RASA1: variants seen among roughly 807,000 people sequenced by gnomAD.
The protein encoded by RASA1 is ras GTPase-activating protein 1.
Under a neutral mutation model 132.2 loss-of-function variants are expected in RASA1, and 25 were observed. The ratio of observed to expected loss-of-function variants is 0.19; its 90% CI spans 0.14 to 0.26. The LOEUF (loss-of-function observed/expected upper bound fraction) is 0.26, where lower values mean the gene tolerates loss of function less well. Ranked by LOEUF, RASA1 falls within the 10% of genes least tolerant of loss-of-function variation. The pLI, the probability that RASA1 is intolerant of heterozygous loss-of-function variation, is 1.00. For missense variants in RASA1, 964 were observed against 1,299.2 expected, an observed-to-expected ratio of 0.74 and a Z score of 3.97; for synonymous variants, 477 against 449.9, an observed-to-expected ratio of 1.06 and a Z score of -0.76.
At chr5:87,380,938 G>A (rs1761669146) in intron 20 of RASA1, among the ~76,000 whole-genome samples, 2 of 152,160 alleles carry the variant, frequency 1.3e-5, no homozygotes, top group Admixed American at 6.5e-5. Context: ...AGAGAGAAGG[G>A]CAGTAATTGA....
chr5:87,366,822 A>T (rs990495480), intron 11 of RASA1, among the ~76,000 whole-genome samples: 2 of 152,142 alleles, frequency 1.3e-5, no homozygotes, highest in Non-Finnish European at 2.9e-5. Context: ...GCTTAAGCTC[A>T]GGGGTTGGAG....
In RASA1 at chr5:87,379,725, CTTCT is replaced by C. The variant is rs1761576899; in HGVS notation, c.2488-7_2488-4del. On this transcript the variant is annotated splice_polypyrimidine_tract_variant and splice_region_variant and intron_variant, in intron 18 of 24. Coordinates refer to ENST00000274376, the MANE Select transcript of RASA1 (RefSeq NM_002890.3). Reference sequence around the variant, plus strand: ...AACATGCATTTATATTGATTTATTCCTTCTTTTAGTTAAGTCCATCAAAGTTAGA... The same window carrying C: ...AACATGCATTTATATTGATTTATTCCTTTAGTTAAGTCCATCAAAGTTAGA... The C allele has an allele frequency of 1.9e-6, 3 of 1,610,750 alleles. No homozygotes were observed. The highest frequency in any genetic ancestry group is 1.7e-5 in the Admixed American group (1 of 59,830).
chr5:87,294,997 GTTTT>G (rs777260647), intron 1 of RASA1, among the ~76,000 whole-genome samples: 1 of 151,280 alleles, frequency 6.6e-6, no homozygotes, highest in African/African-American at 2.4e-5. Context: ...TGAAGTTCTG[GTTTT>G]TTTTTATTTT....
At chr5:87,308,720 A>G (rs1755735889) in intron 1 of RASA1, among the ~76,000 whole-genome samples, 1 of 152,206 alleles carries the variant, frequency 6.6e-6, no homozygotes, top group African/African-American at 2.4e-5. Context: ...CTATAGGATT[A>G]TAATGCCATA....
At chr5:87,278,909 CTTTTTTTTTTTT>C (rs58122450) in intron 1 of RASA1, among the ~76,000 whole-genome samples, 2 of 83,998 alleles carry the variant, frequency 2.4e-5, no homozygotes, top group African/African-American at 4.5e-5. Flanking sequence ...CTAATTTGTT[CTTTTTTTTTTTT>C]TTTTTTTTTT....
intron 1 of RASA1, among the ~76,000 whole-genome samples, chr5:87,291,366 C>T (rs148423243): frequency 7.3e-4 from 111 of 152,096 alleles, no homozygotes; most frequent in Middle Eastern, 3.4e-3. Context: ...GACTCTGTCT[C>T]TACAAAAAGA....
chr5:87,387,781 T>TATTTATAGTGAA (rs1034598195), intron 23 of RASA1, among the ~76,000 whole-genome samples: 1 of 152,324 alleles, frequency 6.6e-6, no homozygotes, highest in East Asian at 1.9e-4. Context: ...CATAGCTCCA[T>TATTTATAGTGAA]ATTTATAGTG....
chr5:87,357,692 G>A (rs920372940), intron 9 of RASA1, among the ~76,000 whole-genome samples: 3 of 149,058 alleles, frequency 2.0e-5, no homozygotes, highest in African/African-American at 5.0e-5. Context: ...GAGACAGAAC[G>A]AGATTCCATC....
chr5:87,269,654 T>C (rs1234386261), intron 1 of RASA1, among the ~76,000 whole-genome samples: 2 of 152,228 alleles, frequency 1.3e-5, no homozygotes, highest in East Asian at 1.9e-4. Context: ...GCTTTTATAG[T>C]GGAGACTTTG....
At chr5:87,363,708 A>G (rs1008151159) in intron 11 of RASA1, among the ~76,000 whole-genome samples, 1 of 152,040 alleles carries the variant, frequency 6.6e-6, no homozygotes, top group Non-Finnish European at 1.5e-5. Flanking sequence ...AATCTTTGGC[A>G]TGACATTTCC....
At chr5:87,385,953 C>T (rs763852191) in intron 22 of RASA1, among the ~76,000 whole-genome samples, 22 of 151,954 alleles carry the variant, frequency 1.4e-4, no homozygotes, top group Admixed American at 6.6e-5. Context: ...CATACATTTC[C>T]TTTCATACTT....
chr5:87,301,642 T>A (rs1305913462), intron 1 of RASA1, among the ~76,000 whole-genome samples: 1 of 152,192 alleles, frequency 6.6e-6, no homozygotes, highest in Non-Finnish European at 1.5e-5. Context: ...GTTTCAGATT[T>A]CGTATTTTTG....
intron 13 of RASA1, among the ~76,000 whole-genome samples, chr5:87,373,918 G>A (rs1261106212): frequency 6.6e-6 from 1 of 151,686 alleles, no homozygotes; most frequent in African/African-American, 2.4e-5. Context: ...GAATATACTG[G>A]GAGAAATAAC....
intron 9 of RASA1, among the ~76,000 whole-genome samples, chr5:87,362,133 G>A (rs1760150952): frequency 6.6e-6 from 1 of 152,156 alleles, no homozygotes; most frequent in Non-Finnish European, 1.5e-5. Context: ...TATTCACCTA[G>A]CATTTCTCAC....
chr5:87,296,678 G>T (rs1461345510), intron 1 of RASA1, among the ~76,000 whole-genome samples: 5 of 152,062 alleles, frequency 3.3e-5, no homozygotes, highest in African/African-American at 9.7e-5. Flanking sequence ...CTGGTCTTCT[G>T]TAGGCAAGGT....
At chr5:87,285,001 C>CTT (rs943445349) in intron 1 of RASA1, among the ~76,000 whole-genome samples, 9 of 151,804 alleles carry the variant, frequency 5.9e-5, no homozygotes, top group African/African-American at 2.2e-4. Context: ...AGAAATCATA[C>CTT]AACTTTTAAA....
chr5:87,387,541 A>T (rs528675162), intron 23 of RASA1, among the ~76,000 whole-genome samples: 1 of 152,208 alleles, frequency 6.6e-6, no homozygotes, highest in Non-Finnish European at 1.5e-5. Flanking sequence ...TTAGTAATTC[A>T]GTTCATATAC....
At position 87,376,726 on chromosome 5, in the gene RASA1, A is replaced by G. The variant is rs6888938; in HGVS notation, c.2185-155A>G. ...TTATACTGTAATTTTGGTAGAAATA[A>G]GTAGACTACGAATTCATTCTATTTT... On this transcript the variant is annotated intron_variant, in intron 16 of 24. Transcript: ENST00000274376. 32,430 of 1,215,692 alleles carry G rather than the reference A, an allele frequency of 0.027. 1,477 individuals are homozygous for G. The highest frequency in any genetic ancestry group is 0.19 in the African/African-American group (12,408 of 65,038). The allele number at this position is 1,215,692 out of a possible 1,614,324, so 75.3% of individuals were successfully genotyped here.
chr5:87,354,443 A>G (rs1759503533), intron 9 of RASA1, among the ~76,000 whole-genome samples: 3 of 152,098 alleles, frequency 2.0e-5, no homozygotes, highest in Admixed American at 2.0e-4. Context: ...TAATGTTACT[A>G]TTGCAATTGT....
Sources: allele counts gnomAD v4.1 joint callset (sites outside exome capture counted in the v4.1 genomes callset), GRCh38; gene constraint gnomAD v4.1.1; transcripts MANE v1.5; gene names NCBI Gene and HGNC (gene_info 2026-07-23, HGNC 2026-07-21).